Variants in DNAJC5 observed in about 807,000 individuals in gnomAD.
The protein encoded by DNAJC5 is DnaJ heat shock protein family (Hsp40) member C5, also known as dnaJ homolog subfamily C member 5.
DNAJC5 carries 1 observed loss-of-function variant against 23.2 expected under a neutral mutation model. The ratio of observed to expected loss-of-function variants is 0.04; its 90% CI spans 0.02 to 0.20. The LOEUF is 0.20. Among genes scored for constraint, DNAJC5 ranks in the 10% least tolerant of loss-of-function variants. The pLI is 1.00. For synonymous variants in DNAJC5, 136 were observed against 120.0 expected (o/e 1.13, Z -0.87); for missense variants, 180 against 267.0 (o/e 0.67, Z 2.27).
intron 1 of DNAJC5, among the ~76,000 whole-genome samples, chr20:63,918,169 T>C (rs1320695529): frequency 6.6e-6 from 1 of 152,312 alleles, no homozygotes; most frequent in East Asian, 1.9e-4. Context: ...TGGAGATGAA[T>C]GAATTGTAGC....
chr20:63,923,082 A>G (rs556534445), intron 1 of DNAJC5, among the ~76,000 whole-genome samples: 2 of 152,172 alleles, frequency 1.3e-5, no homozygotes, highest in African/African-American at 4.8e-5. Flanking sequence ...TGGAGGTTGC[A>G]GTGAGCTGAG....
Position 63,934,279 on chromosome 20 carries a change from G to A in DNAJC5, c.*2711G>A, listed in dbSNP as rs76291580. 0.08 allele frequency: 12,155 copies of A among 152,288 alleles called. 585 individuals carry two copies. The highest frequency in any genetic ancestry group is 0.087 in the African/African-American group (3,618 of 41,558). 9.4% of individuals were successfully genotyped at this position (152,288 alleles called of 1,614,324 possible). ...TGGTGAGTCCTGGGGCAGCTTCCGC[G>A]CCTCCCTGTCCACGTGCTAACAGAT... On this transcript the variant is annotated 3_prime_UTR_variant, in exon 5 of 5. Transcript: ENST00000360864.
chr20:63,901,498 T>C (rs1215620181), intron 1 of DNAJC5, among the ~76,000 whole-genome samples: 1 of 152,210 alleles, frequency 6.6e-6, no homozygotes, highest in African/African-American at 2.4e-5. Flanking sequence ...TCTTGACCCT[T>C]GAAGAAGCAG....
Position 63,931,250 on chromosome 20 carries a change from G to T in DNAJC5, c.494-215G>T, listed in dbSNP as rs1600888418. The T allele has an allele frequency of 1.3e-6, 1 of 777,102 alleles. No individual in the cohort carries two copies. The highest frequency in any genetic ancestry group is 2.7e-5 in the East Asian group (1 of 37,380). The allele number at this position is 777,102 out of a possible 1,614,324, so 48.1% of individuals were successfully genotyped here. Reference sequence around the variant, plus strand: ...AGCCGTAGATCCCAGGGACTGCGAGGCGGGGCAGGGCGGCAGGCAGTTGGG... The same window carrying T: ...AGCCGTAGATCCCAGGGACTGCGAGTCGGGGCAGGGCGGCAGGCAGTTGGG... On this transcript the variant is annotated intron_variant, in intron 4 of 4. Transcript: ENST00000360864. This position sits in a 1 kb window ranked among gnomAD's most constrained non-coding sequence, Gnocchi z 9.6.
In DNAJC5 at chr20:63,929,684, A is replaced by AGTCACTCCTGCCGTGCAGGCG. The variant is rs749945571; in HGVS notation, c.321+159_321+160insGTCACTCCTGCCGTGCAGGCG. Among the ~76,000 whole-genome samples, 2 of 98,046 alleles carry AGTCACTCCTGCCGTGCAGGCG rather than the reference A, an allele frequency of 2.0e-5. No individual in the cohort carries two copies. Among genetic ancestry groups the AGTCACTCCTGCCGTGCAGGCG allele is most frequent in the African/African-American group, 4.9e-5 (1 of 20,284 alleles). The allele number at this position is 98,046 out of a possible 152,430, so 64.3% of individuals were successfully genotyped here. On this transcript the variant is annotated intron_variant, in intron 3 of 4. Coordinates refer to ENST00000360864, the MANE Select transcript of DNAJC5 (RefSeq NM_025219.3). The surrounding 1 kb of genome is among the most constrained non-coding windows in gnomAD (Gnocchi z 8.6). ...CCCGAGTCTCTCCTGCCGTGCGGGC[A>AGTCACTCCTGCCGTGCAGGCG]CCCGAGTCACTCCTGCCGTGCGGGC...
rs769269113 is a variant in DNAJC5 at position 63,929,412 on chromosome 20, G to A, written c.208G>A (p.Ala70Thr). Residue 70 changes from alanine (A) to threonine (T), a missense_variant, in exon 3 of 5, where the codon GCC (alanine) becomes ACC (threonine). This residue lies in a region of DNAJC5 where 77 missense variants were observed against 106.8 expected (regional missense o/e 0.72). Coordinates refer to ENST00000360864, the MANE Select transcript of DNAJC5 (RefSeq NM_025219.3). This position sits in a 1 kb window ranked among gnomAD's most constrained non-coding sequence, Gnocchi z 8.6. ...CAACGCGCACGCCATCCTCACGGACGCCACAAAAAGGAACATCTACGACAA... is the reference window on the plus strand; with the variant it reads ...CAACGCGCACGCCATCCTCACGGACACCACAAAAAGGAACATCTACGACAA... Reference protein sequence around the residue: ...INNAHAILTDATKRNIYDKYG... With the variant: ...INNAHAILTDTTKRNIYDKYG... The A allele has an allele frequency of 3.7e-6, 6 of 1,614,072 alleles. No homozygotes were observed. The highest frequency in any genetic ancestry group is 2.7e-5 in the African/African-American group (2 of 74,934).
chr20:63,896,873 TGCGTGGTGCTG>T (rs1281156662), intron 1 of DNAJC5, among the ~76,000 whole-genome samples: 1 of 152,128 alleles, frequency 6.6e-6, no homozygotes, highest in African/African-American at 2.4e-5. Context: ...GCAGCAGCTG[TGCGTGGTGCTG>T]GCCTTGTCAC....
Position 63,929,115 on chromosome 20 carries a change from A to C in DNAJC5, c.108-197A>C, listed in dbSNP as rs2053639657. On this transcript the variant is annotated intron_variant, in intron 2 of 4. Coordinates refer to ENST00000360864, the MANE Select transcript of DNAJC5 (RefSeq NM_025219.3). This position sits in a 1 kb window ranked among gnomAD's most constrained non-coding sequence, Gnocchi z 8.6. ...CCTCCTCTGAGGCTGGGTCAGGGTG[A>C]GGAGGTTTACCTGAAACAACCGCGG... 6.6e-6 allele frequency among the ~76,000 whole-genome samples: 1 copy of C among 152,158 alleles called. No individual in the cohort carries two copies. The highest frequency in any genetic ancestry group is 2.1e-4 in the South Asian group (1 of 4,832).
In DNAJC5 at chr20:63,928,632, T is replaced by C. The variant is rs962054180; in HGVS notation, c.107+180T>C. On this transcript the variant is annotated intron_variant, in intron 2 of 4. Coordinates refer to ENST00000360864, the MANE Select transcript of DNAJC5 (RefSeq NM_025219.3). The surrounding 1 kb of genome is among the most constrained non-coding windows in gnomAD (Gnocchi z 4.6). ...ATGTGCTCCTTATAGCTTAAAGTTATGGTATTCATGTTCTCTTGCCAACAA... is the reference window on the plus strand; with the variant it reads ...ATGTGCTCCTTATAGCTTAAAGTTACGGTATTCATGTTCTCTTGCCAACAA... Among the ~76,000 whole-genome samples, 7 of 152,168 alleles carry C rather than the reference T, an allele frequency of 4.6e-5. No homozygotes were observed. Among genetic ancestry groups the C allele is most frequent in the East Asian group, 1.9e-4 (1 of 5,200 alleles).
chr20:63,896,249 T>C (rs2053374718), intron 1 of DNAJC5, among the ~76,000 whole-genome samples: 1 of 152,254 alleles, frequency 6.6e-6, no homozygotes, highest in African/African-American at 2.4e-5. Flanking sequence ...GTTTATTTGC[T>C]TCTCTTTTTA....
Position 63,933,475 on chromosome 20 carries a change from CA to C in DNAJC5, c.*1908del, listed in dbSNP as rs1348930901. 2 of 152,298 alleles carry C rather than the reference CA, an allele frequency of 1.3e-5. No individual in the cohort carries two copies. Among genetic ancestry groups the C allele is most frequent in the African/African-American group, 4.8e-5 (2 of 41,420 alleles). 9.4% of individuals were successfully genotyped at this position (152,298 alleles called of 1,614,324 possible). A position where few individuals can be genotyped will look rare whatever the true frequency, so the allele number is the denominator to read the frequency against. ...CTTTGTTTCTTCTCACTAAAATGAT[CA>C]CGAAGACCTTTGACAAGAGGAGAGA... On this transcript the variant is annotated 3_prime_UTR_variant, in exon 5 of 5. Transcript: ENST00000360864.
At position 63,929,386 on chromosome 20, in the gene DNAJC5, A is replaced by G; in HGVS notation, c.182A>G (p.Asn61Ser). 1.9e-6 allele frequency: 3 copies of G among 1,614,174 alleles called. No homozygotes were observed. The highest frequency in any genetic ancestry group is 2.5e-6 in the Non-Finnish European group (3 of 1,180,044). ...GCCGCGGACAAGTTTAAGGAGATCA[A>G]CAACGCGCACGCCATCCTCACGGAC... ...PEAADKFKEINNAHAILTDAT... is the reference protein window; with the variant it reads ...PEAADKFKEISNAHAILTDAT... The change falls in exon 3 of 5, where the codon AAC becomes AGC. Residue 61 changes from asparagine to serine, a missense_variant. Asn to Ser is a conservative substitution (Grantham distance 46). Coordinates refer to ENST00000360864, the MANE Select transcript of DNAJC5 (RefSeq NM_025219.3). The surrounding 1 kb of genome is among the most constrained non-coding windows in gnomAD (Gnocchi z 8.6).
At chr20:63,899,425 A>G (rs1260395994) in intron 1 of DNAJC5, among the ~76,000 whole-genome samples, 1 of 152,204 alleles carries the variant, frequency 6.6e-6, no homozygotes, top group Non-Finnish European at 1.5e-5. Context: ...CTTTGGGTGC[A>G]TGTGTGTTAA....
chr20:63,903,568 A>G (rs1156431485), intron 1 of DNAJC5, among the ~76,000 whole-genome samples: 1 of 152,090 alleles, frequency 6.6e-6, no homozygotes, highest in Non-Finnish European at 1.5e-5. Context: ...TGGCCTCCCA[A>G]AGTGCTGGGA....
chr20:63,900,805 A>C (rs1278001599), intron 1 of DNAJC5, among the ~76,000 whole-genome samples: 1 of 152,200 alleles, frequency 6.6e-6, no homozygotes, highest in Admixed American at 6.5e-5. Context: ...GTGCTTAGTG[A>C]AGATTCCTTG....
In DNAJC5 at chr20:63,929,592, C is replaced by G; in HGVS notation, c.321+67C>G. On this transcript the variant is annotated intron_variant, in intron 3 of 4. Transcript: ENST00000360864. The surrounding 1 kb of genome is among the most constrained non-coding windows in gnomAD (Gnocchi z 8.6). ...CTGCCGTGCGGGCACCCGAGTCTCTCCTGCCGTGCGGGCACCCGAGTCACT... is the reference window on the plus strand; with the variant it reads ...CTGCCGTGCGGGCACCCGAGTCTCTGCTGCCGTGCGGGCACCCGAGTCACT... The G allele has an allele frequency of 6.4e-7, 1 of 1,558,714 alleles. No individual in the cohort carries two copies. The highest frequency in any genetic ancestry group is 8.7e-7 in the Non-Finnish European group (1 of 1,145,150).
At chr20:63,915,853 G>A (rs953691664) in intron 1 of DNAJC5, among the ~76,000 whole-genome samples, 1 of 152,238 alleles carries the variant, frequency 6.6e-6, no homozygotes, top group African/African-American at 2.4e-5. Flanking sequence ...CAGTGTCACA[G>A]ACTGATGATA....
At chr20:63,901,234 G>C (rs1017231673) in intron 1 of DNAJC5, among the ~76,000 whole-genome samples, 2 of 152,182 alleles carry the variant, frequency 1.3e-5, no homozygotes, top group Non-Finnish European at 2.9e-5. Flanking sequence ...CAAGGTGCTG[G>C]GTTTACAGGC....
intron 1 of DNAJC5, among the ~76,000 whole-genome samples, chr20:63,906,029 G>A (rs1451485467): frequency 6.6e-6 from 1 of 151,970 alleles, no homozygotes; most frequent in African/African-American, 2.4e-5. Context: ...ACTATGCCCG[G>A]CCCAGGATTT....
Sources: gnomAD v4.1 joint callset for allele counts (sites outside exome capture counted in the v4.1 genomes callset) on GRCh38, gnomAD v4.1.1 for gene constraint, gnomAD v4.1.1 regional missense constraint, Gnocchi (gnomAD v3.1) non-coding constraint, MANE v1.5 for transcripts, NCBI Gene and HGNC (gene_info 2026-07-23, HGNC 2026-07-21) for gene names.